CCL13: variants seen among roughly 807,000 people sequenced by gnomAD.
CCL13 encodes C-C motif chemokine ligand 13, also known as C-C motif chemokine 13.
CCL13 carries 5 observed loss-of-function variants against 6.6 expected under a neutral mutation model. That is an observed-to-expected ratio of 0.76 (90% CI 0.40 to 1.60). The LOEUF is 1.60. Ranked by LOEUF, CCL13 falls within the 40% of genes most tolerant of loss-of-function variation. The pLI is 0.02. For synonymous variants in CCL13, 39 were observed against 43.0 expected, an observed-to-expected ratio of 0.91 and a Z score of 0.37; for missense variants, 117 against 114.2, an observed-to-expected ratio of 1.02 and a Z score of -0.11.
intron 2 of CCL13, 113 bp from the exon 3 acceptor site, chr17:34,357,913 T>C (rs1910394438): frequency 1.5e-6 from 1 of 679,216 alleles, no homozygotes; most frequent in Non-Finnish European, 2.5e-6. Flanking sequence ...CCTGGAGGGG[T>C]GCCCCTTCAC....
chr17:34,357,201 C>A (rs568311080), intron 1 of CCL13, among the ~76,000 whole-genome samples: 1 of 152,128 alleles, frequency 6.6e-6, no homozygotes, highest in South Asian at 2.1e-4. Context: ...AGATCTGGGA[C>A]CACACCCAGG....
chr17:34,357,597 G>C lies in CCL13; in HGVS notation c.191+8G>C, dbSNP rs766848594. On this transcript the variant is annotated splice_region_variant and intron_variant, in intron 2 of 2. Transcript: ENST00000225844. ...TCCCCAGAAGGCTGTCATGTGGGTA[G>C]AAAAATCCCTGCTCACCTGGCTCCT... 24 of 1,556,866 alleles carry C rather than the reference G, an allele frequency of 1.5e-5. No homozygotes were observed. The highest frequency in any genetic ancestry group is 2.1e-5 in the Non-Finnish European group (24 of 1,129,102).
At chr17:34,357,150 G>A (rs941999569) in intron 1 of CCL13, among the ~76,000 whole-genome samples, 3 of 152,186 alleles carry the variant, frequency 2.0e-5, no homozygotes, top group African/African-American at 7.2e-5. Context: ...TCCAGATTTA[G>A]GGCCTTTTCT....
chr17:34,357,534 C>A lies in CCL13; in HGVS notation c.136C>A (p.Gln46Lys). 6.2e-7 allele frequency: 1 copy of A among 1,613,674 alleles called. No homozygotes were observed. Among genetic ancestry groups the A allele is most frequent in the Non-Finnish European group, 8.5e-7 (1 of 1,179,600 alleles). The change falls in exon 2 of 3, where the codon CAG becomes AAG. Residue 46 changes from glutamine to lysine, a missense_variant. By Grantham distance (53) the Gln-to-Lys change is moderately conservative. Coordinates refer to ENST00000225844, the MANE Select transcript of CCL13 (RefSeq NM_005408.3). ...ATTTAGCAGTAAGAAGATCTCCTTG[C>A]AGAGGCTGAAGAGCTATGTGATCAC... Reference protein sequence around the residue: ...FTFSSKKISLQRLKSYVITTS... With the variant: ...FTFSSKKISLKRLKSYVITTS...
intron 2 of CCL13, 34 bp downstream of exon 2, chr17:34,357,623 C>T: frequency 1.6e-6 from 2 of 1,285,606 alleles, no homozygotes; most frequent in Non-Finnish European, 2.3e-6. Flanking sequence ...CCTGGCTCCT[C>T]CCCACTCCCA....
Position 34,357,476 on chromosome 17 carries a change from T to G in CCL13, c.78T>G (p.Asp26Glu), listed in dbSNP as rs1478564764. The change falls in exon 2 of 3, where the codon GAT (aspartate) becomes GAG (glutamate). Residue 26 changes from aspartate to glutamate, a missense_variant and splice_region_variant. Physicochemically the swap from Asp to Glu is conservative, Grantham distance 45. Coordinates refer to ENST00000225844, the MANE Select transcript of CCL13 (RefSeq NM_005408.3). ...CTTTTTCTTTGTAACTATTTCTAGA[T>G]GCACTCAACGTCCCATCTACTTGCT... ...AFNPQGLAQPDALNVPSTCCF... is the reference protein window; with the variant it reads ...AFNPQGLAQPEALNVPSTCCF... The G allele has an allele frequency of 2.5e-6, 4 of 1,601,988 alleles. 1 individual carries two copies. Among genetic ancestry groups the G allele is most frequent in the Non-Finnish European group, 3.4e-6 (4 of 1,169,308 alleles).
chr17:34,356,543 T>C lies in CCL13; in HGVS notation c.17T>C (p.Val6Ala). MKVSA[V>A]LLCLLLMTAA... ...ACCTTCAACATGAAAGTCTCTGCAGTGCTTCTGTGCCTGCTGCTCATGACA... is the reference window on the plus strand; with the variant it reads ...ACCTTCAACATGAAAGTCTCTGCAGCGCTTCTGTGCCTGCTGCTCATGACA... Residue 6 changes from valine to alanine, a missense_variant, in exon 1 of 3, where the codon GTG becomes GCG. Val to Ala is a moderately conservative substitution (Grantham distance 64, BLOSUM62 0). Transcript: ENST00000225844. 6.2e-7 allele frequency: 1 copy of C among 1,613,300 alleles called. No individual in the cohort carries two copies. The highest frequency in any genetic ancestry group is 1.3e-5 in the African/African-American group (1 of 75,036).
rs1910395900 is a variant in CCL13, at chr17:34,357,963, T to C, written c.192-63T>C. ...CCAGGCAGGTTTAGAACCCAGTGTG[T>C]CATCTCCTGGGTAAACCCTCAAAGG... On this transcript the variant is annotated intron_variant, in intron 2 of 2. Coordinates refer to ENST00000225844, the MANE Select transcript of CCL13 (RefSeq NM_005408.3). 18 of 1,203,488 alleles carry C rather than the reference T, an allele frequency of 1.5e-5. No homozygotes were observed. The South Asian group carries it at 2.2e-4, about 14-fold the overall frequency. The allele number at this position is 1,203,488 out of a possible 1,614,324, so 74.6% of individuals were successfully genotyped here.
Position 34,358,366 on chromosome 17 carries a change from A to G in CCL13, c.*235A>G, listed in dbSNP as rs1567663610. On this transcript the variant is annotated 3_prime_UTR_variant, in exon 3 of 3. Coordinates refer to ENST00000225844, the MANE Select transcript of CCL13 (RefSeq NM_005408.3). ...TCTTTTCTAAAGCAAGGCCTTGAGC[A>G]AGTAGGTTGCTGTCTCTAAGCCCCC... is the stretch of plus-strand genomic sequence containing the variant. 4.1e-6 allele frequency: 2 copies of G among 487,370 alleles called. No homozygotes were observed. The highest frequency in any genetic ancestry group is 7.3e-6 in the Non-Finnish European group (2 of 273,152). 30.2% of individuals were successfully genotyped at this position (487,370 alleles called of 1,614,324 possible).
In CCL13 at chr17:34,356,619, C is replaced by T. The variant is rs1200496480; in HGVS notation, c.76+17C>T. On this transcript the variant is annotated intron_variant, in intron 1 of 2. Coordinates refer to ENST00000225844, the MANE Select transcript of CCL13 (RefSeq NM_005408.3). The stretch of plus-strand genomic sequence containing the variant: ...CTCAGCCAGGTAAGTCACCTCCCTT[C>T]GACTCTCCCTCTCTTTCCCTCTGTT... 5.7e-6 allele frequency: 9 copies of T among 1,573,694 alleles called. No individual in the cohort carries two copies. Among genetic ancestry groups the T allele is most frequent in the East Asian group, 2.2e-5 (1 of 44,604 alleles).
chr17:34,356,588 G>A lies in CCL13; in HGVS notation c.62G>A (p.Gly21Glu), dbSNP rs1910353912. The A allele has an allele frequency of 6.2e-7, 1 of 1,612,556 alleles. No individual in the cohort carries two copies. The highest frequency in any genetic ancestry group is 8.5e-7 in the Non-Finnish European group (1 of 1,178,768). Reference protein sequence around the residue: ...LLMTAAFNPQGLAQPDALNVP... With the variant: ...LLMTAAFNPQELAQPDALNVP... ...ATGACAGCAGCTTTCAACCCCCAGG[G>A]ACTTGCTCAGCCAGGTAAGTCACCT... Residue 21 changes from glycine (G) to glutamate (E), a missense_variant, in exon 1 of 3, where the codon GGA becomes GAA. By Grantham distance (98) the Gly-to-Glu change is moderately conservative. Transcript: ENST00000225844.
chr17:34,358,404 A>C lies in CCL13; in HGVS notation c.*273A>C. On this transcript the variant is annotated 3_prime_UTR_variant, in exon 3 of 3. Coordinates refer to ENST00000225844, the MANE Select transcript of CCL13 (RefSeq NM_005408.3). ...TCTCTAAGCCCCCTTCCCTTCCACTATGAGCTGCTGGCAGTGGGTTTGTAT... is the reference window on the plus strand; with the variant it reads ...TCTCTAAGCCCCCTTCCCTTCCACTCTGAGCTGCTGGCAGTGGGTTTGTAT... 7.4e-6 allele frequency: 3 copies of C among 403,808 alleles called. No individual in the cohort carries two copies. Among genetic ancestry groups the C allele is most frequent in the East Asian group, 5.9e-5 (1 of 16,816 alleles). 25.0% of individuals were successfully genotyped at this position (403,808 alleles called of 1,614,324 possible).
At chr17:34,357,735 T>A (rs1256353091) in intron 2 of CCL13, 146 bp downstream of exon 2, 1 of 649,840 alleles carries the variant, frequency 1.5e-6, no homozygotes, top group Non-Finnish European at 2.7e-6. Flanking sequence ...TCCTCCAATT[T>A]TGGCTGCACA....
rs1910405817 is a variant in CCL13 at position 34,358,221 on chromosome 17, T to G, written c.*90T>G. On this transcript the variant is annotated 3_prime_UTR_variant, in exon 3 of 3. Transcript: ENST00000225844. ...CTCCTCTTCTATGCTTTGGAATACTTCTACCATAATTTTCAAATAGGATGC... is the reference window on the plus strand; with the variant it reads ...CTCCTCTTCTATGCTTTGGAATACTGCTACCATAATTTTCAAATAGGATGC... The G allele has an allele frequency of 1.2e-6, 1 of 836,700 alleles. No homozygotes were observed. The highest frequency in any genetic ancestry group is 2.0e-6 in the Non-Finnish European group (1 of 509,396). The allele number at this position is 836,700 out of a possible 1,614,324, so 51.8% of individuals were successfully genotyped here.
chr17:34,357,671 G>A (rs772579655), intron 2 of CCL13, 82 bp downstream of exon 2: 67 of 833,732 alleles, frequency 8.0e-5, no homozygotes, highest in Non-Finnish European at 1.3e-4. Flanking sequence ...GGAGACAGAC[G>A]TCAGACTGAC....
intron 2 of CCL13, among the ~76,000 whole-genome samples, 162 bp from the exon 3 acceptor site, chr17:34,357,864 C>T (rs1910392861): frequency 6.6e-6 from 1 of 152,196 alleles, no homozygotes; most frequent in African/African-American, 2.4e-5. Context: ...GTGGCTGCCT[C>T]CAGAGACCCC....
rs1313087582 is a variant in CCL13 at position 34,356,483 on chromosome 17, G to A, written c.-44G>A. On this transcript the variant is annotated 5_prime_UTR_variant, in exon 1 of 3. Transcript: ENST00000225844. ...CCGGCGGAACAGCCAGAGGAGCAGA[G>A]AGGCAAAGAAACATTGTGAAATCTC... is the stretch of plus-strand genomic sequence containing the variant. The A allele has an allele frequency of 1.4e-6, 2 of 1,437,576 alleles. No individual in the cohort carries two copies. The highest frequency in any genetic ancestry group is 4.6e-5 in the East Asian group (2 of 43,420). The allele number at this position is 1,437,576 out of a possible 1,614,324, so 89.1% of individuals were successfully genotyped here.
intron 2 of CCL13, 89 bp downstream of exon 2, chr17:34,357,678 T>A: frequency 1.2e-6 from 1 of 803,828 alleles, no homozygotes. Flanking sequence ...GACGTCAGAC[T>A]GACTTGAGAT....
intron 1 of CCL13, among the ~76,000 whole-genome samples, chr17:34,356,875 AT>A (rs1910363453): frequency 6.6e-6 from 1 of 152,074 alleles, no homozygotes; most frequent in African/African-American, 2.4e-5. Context: ...GGGTTTCACT[AT>A]GTTGGCCAGG....
Sources: allele counts gnomAD v4.1 joint callset (sites outside exome capture counted in the v4.1 genomes callset), GRCh38; gene constraint gnomAD v4.1.1; transcripts MANE v1.5; gene names NCBI Gene and HGNC (gene_info 2026-07-23, HGNC 2026-07-21).